PLD1: variants seen among roughly 807,000 people sequenced by gnomAD.
The protein encoded by PLD1 is choline phosphatase 1.
In PLD1, 112 loss-of-function variants were observed where a neutral mutation model predicts 137.1. That is an observed-to-expected ratio of 0.82 (90% confidence interval 0.70 to 0.96). The LOEUF is 0.96. PLD1 is among the 40% of genes least tolerant of loss of function. The probability of loss-of-function intolerance (pLI) is 0.00; values close to 1 mark genes in which losing one functional copy is unlikely to be tolerated. For missense variants in PLD1, 1,321 were observed against 1,342.0 expected (o/e 0.98, Z 0.24); for synonymous variants, 431 against 454.7 (o/e 0.95, Z 0.66).
chr3:171,709,698 A>C lies in PLD1; in HGVS notation c.923T>G (p.Leu308Ter), dbSNP rs1216931425. The C allele has an allele frequency of 6.2e-7, 1 of 1,612,026 alleles. No individual in the cohort carries two copies. Among genetic ancestry groups the C allele is most frequent in the Non-Finnish European group, 8.5e-7 (1 of 1,179,350 alleles). Residue 308 changes from leucine (L) to a stop codon, truncating the protein, a stop_gained, in exon 10 of 27, where the codon TTA becomes TGA. Transcript: ENST00000351298. LOFTEE classifies it high-confidence loss of function. ...RIDNLSRTLILKCNSYRHARW... is the reference protein window; with the variant it reads ...RIDNLSRTLI ...AGCATGTCTATAGCTGTTGCATTTT[A>C]AAATAAGTGTCCTTTAAAGAAAAAG...
At chr3:171,667,402 G>C (rs1361370047) in intron 19 of PLD1, among the ~76,000 whole-genome samples, 1 of 152,212 alleles carries the variant, frequency 6.6e-6, no homozygotes, top group East Asian at 1.9e-4. Context: ...ACAGTGTGCA[G>C]TTATTCACAT....
At position 171,674,497 on chromosome 3, in the gene PLD1, T is replaced by C. The variant is rs1713122225; in HGVS notation, c.2229+3A>G. On this transcript the variant is annotated splice_donor_region_variant and intron_variant, in intron 19 of 26. Transcript: ENST00000351298. ...TCAAAAAGAAAAGCCAGAACTTACT[T>C]ACCTGTACGTTAGCATGGACAGACC... 6.7e-7 allele frequency: 1 copy of C among 1,494,144 alleles called. No individual in the cohort carries two copies. The allele number at this position is 1,494,144 out of a possible 1,614,324, so 92.6% of individuals were successfully genotyped here.
chr3:171,760,357 A>T (rs1440967455), intron 1 of PLD1, among the ~76,000 whole-genome samples: 6 of 152,182 alleles, frequency 3.9e-5, no homozygotes, highest in Non-Finnish European at 8.8e-5. Flanking sequence ...ATTAGAATGG[A>T]TTTCTTGCTA....
At chr3:171,749,699 A>G (rs1720517994) in intron 1 of PLD1, among the ~76,000 whole-genome samples, 1 of 152,206 alleles carries the variant, frequency 6.6e-6, no homozygotes, top group African/African-American at 2.4e-5. Flanking sequence ...AAGTCCATAG[A>G]TTTCCAGCTT....
chr3:171,716,708 T>G (rs1409203221), intron 8 of PLD1, among the ~76,000 whole-genome samples: 1 of 152,220 alleles, frequency 6.6e-6, no homozygotes, highest in Non-Finnish European at 1.5e-5. Context: ...TCTACTCTGT[T>G]GATAGTTTCT....
chr3:171,740,690 T>C (rs1037016684), intron 1 of PLD1, among the ~76,000 whole-genome samples: 2 of 152,136 alleles, frequency 1.3e-5, no homozygotes, highest in African/African-American at 4.8e-5. Flanking sequence ...TGACTTCAGA[T>C]AGAGAAAAAA....
chr3:171,716,797 TTCA>T (rs1717717272), intron 8 of PLD1, among the ~76,000 whole-genome samples: 1 of 152,228 alleles, frequency 6.6e-6, no homozygotes, highest in Non-Finnish European at 1.5e-5. Flanking sequence ...TTTTGGTGTC[TTCA>T]TCATTAAATA....
At chr3:171,792,749 C>T (rs1469337910) in intron 1 of PLD1, 1 of 455,738 alleles carries the variant, frequency 2.2e-6, no homozygotes, top group African/African-American at 2.0e-5. Context: ...GTTCCAGCAT[C>T]TTTCTAGAGC....
At chr3:171,700,819 C>A (rs1716180178) in intron 11 of PLD1, among the ~76,000 whole-genome samples, 1 of 152,130 alleles carries the variant, frequency 6.6e-6, no homozygotes. Context: ...CTTCACAAGG[C>A]AGCTAAGAGT....
chr3:171,764,925 GAAAGAAAGGA>G lies in PLD1; in HGVS notation c.-31-26853_-31-26844del, dbSNP rs1560289178. ...GAAGGAAGGAAGGAAAGAAAGAAAGGAAAGAAAGGAAAGAAAGAAAGAAAGAAAGAAAGAA... is the reference window on the plus strand; with the variant it reads ...GAAGGAAGGAAGGAAAGAAAGAAAGGAAGAAAGAAAGAAAGAAAGAAAGAA... On this transcript the variant is annotated intron_variant, in intron 1 of 26. Transcript: ENST00000351298. 6.8e-4 allele frequency among the ~76,000 whole-genome samples: 19 copies of G among 28,018 alleles called. 4 individuals are homozygous for G. Among genetic ancestry groups the G allele is most frequent in the African/African-American group, 2.8e-3 (19 of 6,904 alleles). 18.4% of individuals were successfully genotyped at this position (28,018 alleles called of 152,430 possible).
At chr3:171,802,092 A>G (rs1244816553) in intron 1 of PLD1, among the ~76,000 whole-genome samples, 2 of 152,234 alleles carry the variant, frequency 1.3e-5, no homozygotes, top group Admixed American at 6.5e-5. Flanking sequence ...GAAAAGAACA[A>G]TTAGGAAAAC....
intron 1 of PLD1, among the ~76,000 whole-genome samples, chr3:171,800,940 A>G (rs1244583367): frequency 6.6e-6 from 1 of 152,230 alleles, no homozygotes; most frequent in Non-Finnish European, 1.5e-5. Context: ...ACCTCCTAAT[A>G]CCATCACCCC....
Position 171,692,323 on chromosome 3 carries a change from C to G in PLD1, c.1338+9G>C, listed in dbSNP as rs746135533. The G allele has an allele frequency of 8.0e-7, 1 of 1,245,054 alleles. No individual in the cohort carries two copies. The highest frequency in any genetic ancestry group is 1.7e-5 in the Admixed American group (1 of 57,558). 77.1% of individuals were successfully genotyped at this position (1,245,054 alleles called of 1,614,324 possible). A position where few individuals can be genotyped will look rare whatever the true frequency, so the allele number is the denominator to read the frequency against. ...AAGAAACATTGGTTATCAAGATGAACCTGAATACCTTTATGTTGGGATGTA... is the reference window on the plus strand; with the variant it reads ...AAGAAACATTGGTTATCAAGATGAAGCTGAATACCTTTATGTTGGGATGTA... On this transcript the variant is annotated intron_variant, in intron 13 of 26. Transcript: ENST00000351298.
intron 1 of PLD1, among the ~76,000 whole-genome samples, chr3:171,746,110 C>A (rs886113397): frequency 3.3e-5 from 5 of 152,180 alleles, no homozygotes; most frequent in African/African-American, 1.2e-4. Context: ...GGGCCTCAGC[C>A]GCCTCCCCGC....
intron 1 of PLD1, among the ~76,000 whole-genome samples, chr3:171,775,263 A>C (rs1455395956): frequency 2.0e-5 from 3 of 152,032 alleles, no homozygotes; most frequent in East Asian, 1.9e-4. Flanking sequence ...TCAAAGTATC[A>C]TTTCCACTCA....
At chr3:171,699,001 G>C (rs1359417253) in intron 12 of PLD1, among the ~76,000 whole-genome samples, 1 of 142,840 alleles carries the variant, frequency 7.0e-6, no homozygotes, top group African/African-American at 2.6e-5. Context: ...AAAAGGTTAA[G>C]ACAGTTTCTG....
chr3:171,801,261 G>C (rs983308077), intron 1 of PLD1, among the ~76,000 whole-genome samples: 1 of 152,174 alleles, frequency 6.6e-6, no homozygotes, highest in East Asian at 1.9e-4. Flanking sequence ...TCCTGAAGAG[G>C]GGCTATTGCA....
chr3:171,731,514 G>A (rs528778014), intron 6 of PLD1, among the ~76,000 whole-genome samples: 153 of 152,256 alleles, frequency 1.0e-3, no homozygotes, highest in African/African-American at 3.6e-3. Flanking sequence ...GGGCACGGTG[G>A]CTCACGCCTG....
chr3:171,755,383 C>T (rs897027350), intron 1 of PLD1, among the ~76,000 whole-genome samples: 3 of 152,108 alleles, frequency 2.0e-5, no homozygotes, highest in Admixed American at 2.0e-4. Flanking sequence ...GACACTTCCC[C>T]ATTCTTATCT....
Sources: allele counts gnomAD v4.1 joint callset (sites outside exome capture counted in the v4.1 genomes callset), GRCh38; gene constraint gnomAD v4.1.1; transcripts MANE v1.5; gene names NCBI Gene and HGNC (gene_info 2026-07-23, HGNC 2026-07-21).